PARN: variants seen among roughly 807,000 people sequenced by gnomAD.
PARN encodes poly(A)-specific ribonuclease PARN.
Under a neutral mutation model 102.8 loss-of-function variants are expected in PARN, and 71 were observed. The ratio of observed to expected loss-of-function variants is 0.69; its 90% confidence interval spans 0.57 to 0.84. PARN has a LOEUF of 0.84. Among genes scored for constraint, PARN ranks in the 40% least tolerant of loss-of-function variants. The pLI is 0.00. For missense variants in PARN, 782 were observed against 760.9 expected (o/e 1.03, Z -0.33); for synonymous variants, 261 against 252.9 (o/e 1.03, Z -0.30).
intron 18 of PARN, 27 bp downstream of exon 18, chr16:14,580,847 G>A: frequency 1.4e-6 from 2 of 1,423,488 alleles, no homozygotes; most frequent in Non-Finnish European, 2.0e-6. Context: ...GAGAGAACTT[G>A]GAAACTGGAA....
intron 13 of PARN, among the ~76,000 whole-genome samples, chr16:14,588,635 T>C (rs1176536033): frequency 2.0e-5 from 3 of 152,050 alleles, no homozygotes; most frequent in Non-Finnish European, 4.4e-5. Context: ...TCCCAGCACT[T>C]TGGAAAGCCG....
chr16:14,509,769 CTGGAAAGCTT>C (rs1330816482), intron 21 of PARN, among the ~76,000 whole-genome samples: 1 of 152,218 alleles, frequency 6.6e-6, no homozygotes, highest in African/African-American at 2.4e-5. Flanking sequence ...TCCTCAACCC[CTGGAAAGCTT>C]TCCATGTTTT....
At chr16:14,566,881 T>C (rs76504552) in intron 18 of PARN, among the ~76,000 whole-genome samples, 7,836 of 152,218 alleles carry the variant, frequency 0.051, 244 homozygotes, top group African/African-American at 0.082. Context: ...TAAAAAGCAG[T>C]TTTTTGATGC....
rs530180343 is a variant in PARN at position 14,611,557 on chromosome 16, T to C, written c.389-748A>G. ...CAAACTTTTTCTTTGTTTTGTTTTG[T>C]TGTGAGACAGTCTTACTCTGTCACC... On this transcript the variant is annotated intron_variant, in intron 6 of 23. Coordinates refer to ENST00000437198, the MANE Select transcript of PARN (RefSeq NM_002582.4). 3.3e-5 allele frequency among the ~76,000 whole-genome samples: 5 copies of C among 152,342 alleles called. No homozygotes were observed. In the South Asian group the frequency reaches 6.2e-4, roughly 19 times the overall value.
chr16:14,590,788 G>A (rs1246802750), intron 13 of PARN, among the ~76,000 whole-genome samples: 1 of 152,118 alleles, frequency 6.6e-6, no homozygotes, highest in African/African-American at 2.4e-5. Flanking sequence ...AATACAAGGG[G>A]AGCAACTGAC....
intron 7 of PARN, among the ~76,000 whole-genome samples, chr16:14,610,078 C>T (rs989139366): frequency 2.0e-5 from 3 of 152,062 alleles, no homozygotes; most frequent in Admixed American, 1.3e-4. Context: ...AAAAAATCCA[C>T]GCAGGTCTGA....
intron 5 of PARN, among the ~76,000 whole-genome samples, chr16:14,626,522 C>T (rs148448061): frequency 1.3e-5 from 2 of 151,924 alleles, no homozygotes; most frequent in African/African-American, 2.4e-5. Context: ...AATGGAGTTA[C>T]GAAACTATGT....
intron 18 of PARN, among the ~76,000 whole-genome samples, chr16:14,579,080 G>A (rs1369028543): frequency 2.6e-5 from 4 of 151,830 alleles, no homozygotes; most frequent in Non-Finnish European, 4.4e-5. Context: ...TCCGCCTCCT[G>A]GTTTCAAGCG....
intron 23 of PARN, among the ~76,000 whole-genome samples, chr16:14,443,104 T>G (rs1230159043): frequency 6.6e-6 from 1 of 152,172 alleles, no homozygotes; most frequent in African/African-American, 2.4e-5. Context: ...TATCTGCACC[T>G]TACTGCATGT....
chr16:14,598,296 G>A (rs1023226568), intron 12 of PARN, among the ~76,000 whole-genome samples: 1 of 151,940 alleles, frequency 6.6e-6, no homozygotes, highest in African/African-American at 2.4e-5. Context: ...GACTACCAAC[G>A]GTCAGCAACA....
rs747910985 is a variant in PARN, at chr16:14,554,196, T to C, written c.1319-45A>G. 9.1e-6 allele frequency: 12 copies of C among 1,312,366 alleles called. No individual in the cohort carries two copies. In the East Asian group the frequency reaches 2.8e-4, roughly 31 times the overall value. The allele number at this position is 1,312,366 out of a possible 1,614,324, so 81.3% of individuals were successfully genotyped here. ...TGAAATATTGATGGGTGAAAAGTGA[T>C]CAAGTAAACCAGTGACTCTTTGATG... On this transcript the variant is annotated intron_variant, in intron 19 of 23. Coordinates refer to ENST00000437198, the MANE Select transcript of PARN (RefSeq NM_002582.4).
At chr16:14,578,106 A>T (rs1034482821) in intron 18 of PARN, among the ~76,000 whole-genome samples, 16 of 150,992 alleles carry the variant, frequency 1.1e-4, no homozygotes, top group African/African-American at 3.6e-4. Flanking sequence ...AGGCAGGTGG[A>T]TCACCTGAGG....
intron 18 of PARN, among the ~76,000 whole-genome samples, chr16:14,560,712 A>G (rs946799486): frequency 6.6e-6 from 1 of 152,200 alleles, no homozygotes; most frequent in Non-Finnish European, 1.5e-5. Context: ...CTTTTGCTCA[A>G]TACACTGGGT....
At chr16:14,471,161 T>G (rs1487885727) in intron 22 of PARN, among the ~76,000 whole-genome samples, 1 of 152,208 alleles carries the variant, frequency 6.6e-6, no homozygotes, top group Non-Finnish European at 1.5e-5. Context: ...AGTTGACACT[T>G]CACACTCTCA....
chr16:14,566,985 T>C (rs547161681), intron 18 of PARN, among the ~76,000 whole-genome samples: 154 of 152,352 alleles, frequency 1.0e-3, no homozygotes, highest in African/African-American at 3.4e-3. Flanking sequence ...GTAGCACTTG[T>C]TTCCAGTCTT....
chr16:14,472,780 A>G (rs1353048109), intron 22 of PARN, among the ~76,000 whole-genome samples: 1 of 152,252 alleles, frequency 6.6e-6, no homozygotes, highest in Non-Finnish European at 1.5e-5. Flanking sequence ...CCCTCAAAAA[A>G]GTCCACACAA....
chr16:14,535,757 A>G (rs1966580524), intron 21 of PARN, among the ~76,000 whole-genome samples: 1 of 152,176 alleles, frequency 6.6e-6, no homozygotes, highest in African/African-American at 2.4e-5. Context: ...ATTGTCGGTT[A>G]TTATTGTTAA....
At chr16:14,457,636 A>G (rs1442608923) in intron 22 of PARN, among the ~76,000 whole-genome samples, 1 of 151,488 alleles carries the variant, frequency 6.6e-6, no homozygotes, top group Non-Finnish European at 1.5e-5. Flanking sequence ...CGTCTCTACT[A>G]AACATACAAA....
chr16:14,565,956 G>C (rs560877946), intron 18 of PARN, among the ~76,000 whole-genome samples: 1 of 152,298 alleles, frequency 6.6e-6, no homozygotes, highest in Admixed American at 6.5e-5. Flanking sequence ...AAATTTCTTA[G>C]AGTATACTGC....
Sources: allele counts gnomAD v4.1 joint callset (sites outside exome capture counted in the v4.1 genomes callset), GRCh38; gene constraint gnomAD v4.1.1; transcripts MANE v1.5; gene names NCBI Gene and HGNC (gene_info 2026-07-23, HGNC 2026-07-21).